Variants in SMIM19 observed in about 807,000 individuals in gnomAD.
SMIM19 encodes small integral membrane protein 19, also known as UPF0697 protein C8orf40.
SMIM19 carries 6 observed loss-of-function variants against 13.2 expected under a neutral mutation model. That is an observed-to-expected ratio of 0.45 (90% CI 0.25 to 0.90). SMIM19 has a LOEUF of 0.90. SMIM19 is among the 40% of genes least tolerant of loss of function. SMIM19 has a pLI of 0.19. For synonymous variants in SMIM19, 46 were observed against 43.1 expected, an observed-to-expected ratio of 1.07 and a Z score of -0.27; for missense variants, 138 against 131.0, an observed-to-expected ratio of 1.05 and a Z score of -0.26.
chr8:42,554,743 T>C lies in SMIM19; in HGVS notation c.*2135T>C, dbSNP rs1813772190. On this transcript the variant is annotated 3_prime_UTR_variant, in exon 4 of 4. Coordinates refer to ENST00000417410, the MANE Select transcript of SMIM19 (RefSeq NM_001135674.2). ...CTGGCTGTCCTGCTTCTACCCAACA[T>C]CCACCTGAGACTCAACAGAACTGTT... 1 of 152,194 alleles carries C rather than the reference T, an allele frequency of 6.6e-6. No homozygotes were observed. Among genetic ancestry groups the C allele is most frequent in the Admixed American group, 6.5e-5 (1 of 15,282 alleles). The allele number at this position is 152,194 out of a possible 1,614,324, so 9.4% of individuals were successfully genotyped here.
intron 3 of SMIM19, among the ~76,000 whole-genome samples, chr8:42,549,367 A>T (rs916444235): frequency 6.6e-6 from 1 of 151,988 alleles, no homozygotes; most frequent in African/African-American, 2.4e-5. Flanking sequence ...GCCTAAGATC[A>T]CACCACTGGA....
rs569253115 is a variant in SMIM19, at chr8:42,541,646, G to T, written c.-732G>T. On this transcript the variant is annotated 5_prime_UTR_variant, in exon 1 of 4. Transcript: ENST00000417410. Reference sequence around the variant, plus strand: ...TTCCCGCGCGCCCGGCCCCGACTCCGGGGTAAAGAGCCCCGGAGCGGAGCA... The same window carrying T: ...TTCCCGCGCGCCCGGCCCCGACTCCTGGGTAAAGAGCCCCGGAGCGGAGCA... 1.3e-5 allele frequency: 2 copies of T among 149,874 alleles called. No individual in the cohort carries two copies. The highest frequency in any genetic ancestry group is 4.9e-5 in the African/African-American group (2 of 41,162). The allele number at this position is 149,874 out of a possible 1,614,324, so 9.3% of individuals were successfully genotyped here. A position where few individuals can be genotyped will look rare whatever the true frequency, so the allele number is the denominator to read the frequency against.
Position 42,554,571 on chromosome 8 carries a change from C to T in SMIM19, c.*1963C>T, listed in dbSNP as rs142599982. ...AAGTGACAGGAGATGAATTCCTCTCCGTTTTTTCCTTAAAGCAAACTGATG... is the reference window on the plus strand; with the variant it reads ...AAGTGACAGGAGATGAATTCCTCTCTGTTTTTTCCTTAAAGCAAACTGATG... On this transcript the variant is annotated 3_prime_UTR_variant, in exon 4 of 4. Coordinates refer to ENST00000417410, the MANE Select transcript of SMIM19 (RefSeq NM_001135674.2). 3 of 152,276 alleles carry T rather than the reference C, an allele frequency of 2.0e-5. No individual in the cohort carries two copies. Among genetic ancestry groups the T allele is most frequent in the Admixed American group, 2.0e-4 (3 of 15,282 alleles). 9.4% of individuals were successfully genotyped at this position (152,276 alleles called of 1,614,324 possible). A position where few individuals can be genotyped will look rare whatever the true frequency, so the allele number is the denominator to read the frequency against.
chr8:42,546,629 A>G (rs1447183159), intron 2 of SMIM19, 23 bp downstream of exon 2: 1 of 1,589,096 alleles, frequency 6.3e-7, no homozygotes, highest in Non-Finnish European at 8.5e-7. Context: ...TTCTCAGGGT[A>G]GATAAAAACT....
chr8:42,548,693 C>G lies in SMIM19; in HGVS notation c.172C>G (p.Pro58Ala). The G allele has an allele frequency of 3.1e-6, 5 of 1,613,854 alleles. No individual in the cohort carries two copies. Among genetic ancestry groups the G allele is most frequent in the Non-Finnish European group, 3.4e-6 (4 of 1,179,908 alleles). The change falls in exon 3 of 4, where the codon CCT (proline) becomes GCT (alanine). Residue 58 changes from proline to alanine, a missense_variant. By Grantham distance (27) the Pro-to-Ala change is conservative. Coordinates refer to ENST00000417410, the MANE Select transcript of SMIM19 (RefSeq NM_001135674.2). ...RRIMRIFSVP[P>A]TEETLSEPNF... ...AATTATGAGGATATTCAGTGTGCCA[C>G]CTACAGAGGAAACTTTGTCAGAGCC...
At position 42,554,359 on chromosome 8, in the gene SMIM19, G is replaced by C. The variant is rs1397429295; in HGVS notation, c.*1751G>C. The C allele has an allele frequency of 6.6e-6, 1 of 152,150 alleles. No individual in the cohort carries two copies. Among genetic ancestry groups the C allele is most frequent in the Admixed American group, 6.6e-5 (1 of 15,242 alleles). The allele number at this position is 152,150 out of a possible 1,614,324, so 9.4% of individuals were successfully genotyped here. On this transcript the variant is annotated 3_prime_UTR_variant, in exon 4 of 4. Coordinates refer to ENST00000417410, the MANE Select transcript of SMIM19 (RefSeq NM_001135674.2). ...CACAAGTGAATTTAATCAGCAGTAGGAGTGGTTTACTCGTCACTGACATGT... is the reference window on the plus strand; with the variant it reads ...CACAAGTGAATTTAATCAGCAGTAGCAGTGGTTTACTCGTCACTGACATGT...
chr8:42,542,765 C>A (rs973616043), intron 1 of SMIM19, among the ~76,000 whole-genome samples: 8 of 151,380 alleles, frequency 5.3e-5, no homozygotes, highest in African/African-American at 1.9e-4. Flanking sequence ...GTTTTGAGAC[C>A]AGCCTGGGCA....
rs1269793475 is a variant in SMIM19, at chr8:42,542,150, G to A, written c.-228G>A. 1 of 152,174 alleles carries A rather than the reference G, an allele frequency of 6.6e-6. No homozygotes were observed. Among genetic ancestry groups the A allele is most frequent in the East Asian group, 1.9e-4 (1 of 5,162 alleles). 9.4% of individuals were successfully genotyped at this position (152,174 alleles called of 1,614,324 possible). A position where few individuals can be genotyped will look rare whatever the true frequency, so the allele number is the denominator to read the frequency against. On this transcript the variant is annotated 5_prime_UTR_variant, in exon 1 of 4. Transcript: ENST00000417410. Reference sequence around the variant, plus strand: ...CAGGATCGGGGCCAAGACTGGAAGAGTTCAGGTTTGGGAGTCGTGTGTATA... The same window carrying A: ...CAGGATCGGGGCCAAGACTGGAAGAATTCAGGTTTGGGAGTCGTGTGTATA...
intron 1 of SMIM19, among the ~76,000 whole-genome samples, chr8:42,543,189 C>T (rs758919998): frequency 4.6e-5 from 7 of 152,126 alleles, no homozygotes; most frequent in Admixed American, 6.5e-5. Flanking sequence ...CAGAGGAAGG[C>T]TGTGGTGGTA....
At chr8:42,547,296 G>T (rs1309419498) in intron 2 of SMIM19, among the ~76,000 whole-genome samples, 1 of 151,784 alleles carries the variant, frequency 6.6e-6, no homozygotes, top group African/African-American at 2.4e-5. Context: ...GGAGGAGGAT[G>T]CAGTGAGACA....
At chr8:42,546,045 C>T (rs1419459226) in intron 1 of SMIM19, among the ~76,000 whole-genome samples, 1 of 152,024 alleles carries the variant, frequency 6.6e-6, no homozygotes, top group Non-Finnish European at 1.5e-5. Context: ...GTGCCAGGAC[C>T]CCCTCAGATA....
In SMIM19 at chr8:42,552,662, A is replaced by G. The variant is rs1212447412; in HGVS notation, c.*54A>G. 3.2e-6 allele frequency: 5 copies of G among 1,562,892 alleles called. No homozygotes were observed. Among genetic ancestry groups the G allele is most frequent in the Admixed American group, 1.7e-5 (1 of 57,736 alleles). On this transcript the variant is annotated 3_prime_UTR_variant, in exon 4 of 4. Transcript: ENST00000417410. ...TTGTTTCAAGCTCCTGATTCTTTCT[A>G]CTAAATCATGAACAGCTTTAAAAAC...
intron 2 of SMIM19, among the ~76,000 whole-genome samples, 189 bp downstream of exon 2, chr8:42,546,795 C>T (rs943366972): frequency 6.6e-6 from 1 of 151,332 alleles, no homozygotes; most frequent in African/African-American, 2.4e-5. Context: ...CCATCCTGGC[C>T]AACATGGTGA....
At chr8:42,549,594 G>A (rs13250124) in intron 3 of SMIM19, among the ~76,000 whole-genome samples, 82,562 of 151,734 alleles carry the variant, frequency 0.54, 22,825 homozygotes, top group Middle Eastern at 0.64. Context: ...GGGGAATAGG[G>A]AGTTTAATGG....
chr8:42,547,514 A>AT (rs926613548), intron 2 of SMIM19, among the ~76,000 whole-genome samples: 19 of 151,780 alleles, frequency 1.3e-4, no homozygotes, highest in African/African-American at 4.1e-4. Flanking sequence ...CATTGAGCAC[A>AT]TTTTTTTTGG....
intron 2 of SMIM19, 24 bp from the exon 3 acceptor site, chr8:42,548,632 C>G (rs773728117): frequency 1.1e-5 from 18 of 1,612,784 alleles, no homozygotes; most frequent in Middle Eastern, 1.7e-4. Context: ...ACAAACATCT[C>G]TTCTGCATGG....
chr8:42,546,574 T>C lies in SMIM19; in HGVS notation c.102T>C (p.Leu34=), dbSNP rs1813493566. The C allele has an allele frequency of 6.2e-7, 1 of 1,614,220 alleles. No individual in the cohort carries two copies. Among genetic ancestry groups the C allele is most frequent in the African/African-American group, 1.3e-5 (1 of 75,082 alleles). ...CCAATGTTTACTTGATAGTTATCCT[T>C]GTTAGCTTCGGTCTCTTCATGTATG... ...EATNVYLIVI[L]VSFGLFMYAK... Residue 34 remains leucine (L), a synonymous_variant, in exon 2 of 4, where the codon CTT becomes CTC. Coordinates refer to ENST00000417410, the MANE Select transcript of SMIM19 (RefSeq NM_001135674.2).
intron 1 of SMIM19, among the ~76,000 whole-genome samples, chr8:42,545,924 A>AT (rs1163801849): frequency 1.3e-5 from 2 of 152,066 alleles, no homozygotes; most frequent in Non-Finnish European, 2.9e-5. Context: ...TAGTAATATT[A>AT]TTTTTTATCC....
intron 3 of SMIM19, among the ~76,000 whole-genome samples, chr8:42,550,883 G>A (rs1230034962): frequency 6.6e-6 from 1 of 152,162 alleles, no homozygotes; most frequent in African/African-American, 2.4e-5. Context: ...TCCTGACAGA[G>A]TCTGGTGGTT....
Sources: allele counts gnomAD v4.1 joint callset (sites outside exome capture counted in the v4.1 genomes callset), GRCh38; gene constraint gnomAD v4.1.1; transcripts MANE v1.5; gene names NCBI Gene and HGNC (gene_info 2026-07-23, HGNC 2026-07-21).